Variants in TTC28 observed in about 807,000 individuals in gnomAD.
TTC28 encodes the protein tetratricopeptide repeat domain 28, also known as tetratricopeptide repeat protein 28.
A neutral mutation model predicts 198.0 loss-of-function variants in TTC28; 61 were observed. The observed-to-expected ratio is 0.31, with a 90% CI of 0.25 to 0.38. The LOEUF is 0.38. TTC28 is among the 10% of genes least tolerant of loss of function. The pLI is 1.00. For synonymous variants in TTC28, 1,171 were observed against 1,297.8 expected (o/e 0.90, Z 2.10); for missense variants, 2,678 against 3,164.0 (o/e 0.85, Z 3.69).
chr22:28,657,081 G>A (rs1041075612), intron 1 of TTC28, among the ~76,000 whole-genome samples: 1 of 152,118 alleles, frequency 6.6e-6, no homozygotes, highest in South Asian at 2.1e-4. Flanking sequence ...ACAAACCTGC[G>A]AAGTAGACAA....
intron 2 of TTC28, among the ~76,000 whole-genome samples, chr22:28,459,018 C>T (rs899313463): frequency 6.6e-6 from 1 of 151,986 alleles, no homozygotes; most frequent in Admixed American, 6.6e-5. Context: ...CTCCTAGCTG[C>T]AGGGGTGGGT....
intron 3 of TTC28, among the ~76,000 whole-genome samples, chr22:28,306,038 A>C (rs2045138089): frequency 6.6e-6 from 1 of 152,188 alleles, no homozygotes. Flanking sequence ...CTACAATTAG[A>C]TATGTATTTC....
rs143175128 is a variant in TTC28 at position 28,223,099 on chromosome 22, A to G, written c.934-59500T>C. ...AAGGCCCTTCTGTCCAGACGCTCTC[A>G]GCATGACACTGAACACAACAGTTGT... On this transcript the variant is annotated intron_variant, in intron 5 of 22. Coordinates refer to ENST00000397906, the MANE Select transcript of TTC28 (RefSeq NM_001145418.2). Among the ~76,000 whole-genome samples, 410 of 152,326 alleles carry G rather than the reference A, an allele frequency of 2.7e-3. 1 individual carries two copies. Among genetic ancestry groups the G allele is most frequent in the Non-Finnish European group, 4.4e-3 (302 of 68,022 alleles).
intron 2 of TTC28, among the ~76,000 whole-genome samples, chr22:28,590,682 T>C (rs1376679206): frequency 6.6e-6 from 1 of 151,936 alleles, no homozygotes; most frequent in East Asian, 1.9e-4. Flanking sequence ...TCCAAGATAT[T>C]CACTTATATC....
chr22:28,648,384 A>C (rs1339276084), intron 1 of TTC28, among the ~76,000 whole-genome samples: 2 of 152,246 alleles, frequency 1.3e-5, no homozygotes, highest in South Asian at 2.1e-4. Flanking sequence ...ATGCTTATAC[A>C]CTGCTGGTGG....
intron 2 of TTC28, among the ~76,000 whole-genome samples, chr22:28,396,290 C>T (rs999263934): frequency 9.2e-5 from 14 of 152,240 alleles, no homozygotes; most frequent in Admixed American, 3.9e-4. Context: ...TTACACTCTC[C>T]GTTAGAAAAT....
At chr22:28,620,349 C>CA (rs34680067) in intron 2 of TTC28, among the ~76,000 whole-genome samples, 90,261 of 142,398 alleles carry the variant, frequency 0.63, 28,405 homozygotes, top group South Asian at 0.78. Context: ...ATCTCTGTCT[C>CA]AAAAAAAAAA....
At chr22:28,532,779 G>A (rs2049169142) in intron 2 of TTC28, among the ~76,000 whole-genome samples, 1 of 152,084 alleles carries the variant, frequency 6.6e-6, no homozygotes, top group African/African-American at 2.4e-5. Flanking sequence ...ATGTAATCCA[G>A]CATATAAACA....
intron 2 of TTC28, among the ~76,000 whole-genome samples, chr22:28,455,701 G>T (rs695365): frequency 0.01 from 1,527 of 149,192 alleles, 34 homozygotes; most frequent in East Asian, 0.083. Flanking sequence ...GTGACAAAGT[G>T]AGACTCTTTC....
chr22:28,661,482 C>G (rs1385162140), intron 1 of TTC28, among the ~76,000 whole-genome samples: 2 of 152,052 alleles, frequency 1.3e-5, no homozygotes, highest in Non-Finnish European at 2.9e-5. Flanking sequence ...TGCAGTGGTG[C>G]CAACATAGCT....
intron 6 of TTC28, among the ~76,000 whole-genome samples, chr22:28,131,672 T>C (rs1943062624): frequency 6.6e-6 from 1 of 152,234 alleles, no homozygotes; most frequent in Admixed American, 6.5e-5. Flanking sequence ...TCTGTATATG[T>C]ACTAACTCTG....
At chr22:28,409,189 A>T (rs577921126) in intron 2 of TTC28, among the ~76,000 whole-genome samples, 1 of 152,362 alleles carries the variant, frequency 6.6e-6, no homozygotes, top group East Asian at 1.9e-4. Flanking sequence ...TCTTAAAACT[A>T]AAAAAGAGAT....
Position 28,032,186 on chromosome 22 carries a change from A to G in TTC28, c.3933-1820T>C, listed in dbSNP as rs1335833319. Among the ~76,000 whole-genome samples, 3 of 73,038 alleles carry G rather than the reference A, an allele frequency of 4.1e-5. No individual in the cohort carries two copies. The East Asian group carries it at 2.1e-3, about 51-fold the overall frequency. 47.9% of individuals were successfully genotyped at this position (73,038 alleles called of 152,430 possible). The stretch of plus-strand genomic sequence containing the variant: ...AGTGTGTGTATATATATATATATAT[A>G]TAAAATATATATATATAAAATATAT... On this transcript the variant is annotated intron_variant, in intron 12 of 22. Transcript: ENST00000397906.
At chr22:28,558,156 C>T (rs554290035) in intron 2 of TTC28, among the ~76,000 whole-genome samples, 2 of 152,216 alleles carry the variant, frequency 1.3e-5, no homozygotes, top group South Asian at 2.1e-4. Context: ...GTTATTCTTC[C>T]GAAGGTGAAA....
At chr22:28,549,034 C>CT (rs1009087203) in intron 2 of TTC28, among the ~76,000 whole-genome samples, 12 of 150,786 alleles carry the variant, frequency 8.0e-5, no homozygotes, top group East Asian at 1.9e-4. Context: ...TTCTTTTTTC[C>CT]TTTTTTTTTC....
intron 2 of TTC28, among the ~76,000 whole-genome samples, chr22:28,522,669 G>A (rs1262873815): frequency 1.3e-5 from 2 of 152,058 alleles, no homozygotes; most frequent in Admixed American, 1.3e-4. Flanking sequence ...ATAATGAACT[G>A]AAGCACAGCA....
At chr22:28,355,076 T>C (rs1346902040) in intron 2 of TTC28, among the ~76,000 whole-genome samples, 2 of 149,092 alleles carry the variant, frequency 1.3e-5, no homozygotes, top group Admixed American at 6.9e-5. Flanking sequence ...AAAATAATCA[T>C]TACTGCTAAT....
chr22:28,270,075 C>A (rs148182160), intron 5 of TTC28, among the ~76,000 whole-genome samples: 1 of 152,300 alleles, frequency 6.6e-6, no homozygotes, highest in Non-Finnish European at 1.5e-5. Context: ...CATGACACAG[C>A]CCCAGGGGGT....
At chr22:28,066,303 TG>T (rs201398399) in intron 12 of TTC28, among the ~76,000 whole-genome samples, 31 of 140,062 alleles carry the variant, frequency 2.2e-4, no homozygotes, top group African/African-American at 5.1e-4. Flanking sequence ...TGTGTGTGTG[TG>T]GTGTGTGTGT....
Sources: gnomAD v4.1 joint callset for allele counts (sites outside exome capture counted in the v4.1 genomes callset) on GRCh38, gnomAD v4.1.1 for gene constraint, MANE v1.5 for transcripts, NCBI Gene and HGNC (gene_info 2026-07-23, HGNC 2026-07-21) for gene names.